ITFG1: variants seen among roughly 807,000 people sequenced by gnomAD.
ITFG1 encodes integrin alpha FG-GAP repeat containing 1.
A neutral mutation model predicts 81.8 loss-of-function variants in ITFG1; 34 were observed. The observed-to-expected ratio is 0.42, with a 90% CI of 0.32 to 0.55. The LOEUF (loss-of-function observed/expected upper bound fraction) is 0.55. ITFG1 is among the 20% of genes least tolerant of loss of function. The pLI is 0.17. For missense variants in ITFG1, 672 were observed against 755.4 expected (o/e 0.89, Z 1.29); for synonymous variants, 285 against 270.6 (o/e 1.05, Z -0.52).
chr16:47,306,866 G>A lies in ITFG1; in HGVS notation c.1070+4374C>T, dbSNP rs921823202. 1.7e-4 allele frequency among the ~76,000 whole-genome samples: 26 copies of A among 151,704 alleles called. 1 individual carries two copies. In the East Asian group the frequency reaches 4.3e-3, roughly 25 times the overall value. Reference sequence around the variant, plus strand: ...TCCCAGCACTTTGGGAGGCCTAGGCGGGTGGATCACAAGGTCAGGAGATCG... The same window carrying A: ...TCCCAGCACTTTGGGAGGCCTAGGCAGGTGGATCACAAGGTCAGGAGATCG... On this transcript the variant is annotated intron_variant, in intron 10 of 17. Transcript: ENST00000320640.
At chr16:47,312,496 C>G (rs1004871339) in intron 9 of ITFG1, 1 of 148,654 alleles carries the variant, frequency 6.7e-6, no homozygotes, top group Non-Finnish European at 1.5e-5. Context: ...GACATGTTTA[C>G]AGAAAATGAG....
chr16:47,276,184 A>G lies in ITFG1; in HGVS notation c.1071-15489T>C, dbSNP rs894025848. Among the ~76,000 whole-genome samples, 26 of 152,184 alleles carry G rather than the reference A, an allele frequency of 1.7e-4. 1 individual carries two copies. The highest frequency in any genetic ancestry group is 2.0e-4 in the Admixed American group (3 of 15,282). On this transcript the variant is annotated intron_variant, in intron 10 of 17. Transcript: ENST00000320640. ...AGAATATGCCAATTATTAGAATAAG[A>G]AAATAGTCAGATTGATGAATATAAG...
At chr16:47,331,606 T>G (rs1967638545) in intron 8 of ITFG1, among the ~76,000 whole-genome samples, 1 of 152,206 alleles carries the variant, frequency 6.6e-6, no homozygotes, top group African/African-American at 2.4e-5. Flanking sequence ...CATTGAAATA[T>G]CTATCTTTGT....
chr16:47,260,882 G>A (rs1050276060), intron 10 of ITFG1, among the ~76,000 whole-genome samples, 187 bp from the exon 11 acceptor site: 2 of 152,084 alleles, frequency 1.3e-5, no homozygotes, highest in Admixed American at 1.3e-4. Context: ...TCAACCTTTG[G>A]CAAAAATCCT....
At chr16:47,167,156 C>A (rs1351368347) in intron 14 of ITFG1, among the ~76,000 whole-genome samples, 1 of 152,166 alleles carries the variant, frequency 6.6e-6, no homozygotes, top group Admixed American at 6.5e-5. Flanking sequence ...ACTCTAGATA[C>A]CTCATATAGA....
chr16:47,236,343 C>T (rs1187809075), intron 13 of ITFG1, among the ~76,000 whole-genome samples: 1 of 152,002 alleles, frequency 6.6e-6, no homozygotes, highest in Non-Finnish European at 1.5e-5. Flanking sequence ...GGCATGGTGG[C>T]AGGCACCTGT....
At chr16:47,243,505 T>C (rs1371099020) in intron 12 of ITFG1, among the ~76,000 whole-genome samples, 1 of 152,218 alleles carries the variant, frequency 6.6e-6, no homozygotes, top group Non-Finnish European at 1.5e-5. Context: ...TTTGTTATTA[T>C]TGATTAACAT....
chr16:47,313,704 T>TG, intron 9 of ITFG1, 25 bp downstream of exon 9: 1 of 1,304,418 alleles, frequency 7.7e-7, no homozygotes, highest in South Asian at 1.3e-5. Flanking sequence ...AAAAAAATGT[T>TG]TACATTAAAA....
intron 14 of ITFG1, among the ~76,000 whole-genome samples, chr16:47,180,387 A>G (rs1228842368): frequency 7.1e-6 from 1 of 141,282 alleles, no homozygotes; most frequent in African/African-American, 2.7e-5. Context: ...CCCTCTCCCC[A>G]CGGTCTCCCT....
In ITFG1 at chr16:47,188,619, G is replaced by T. The variant is rs1460021692; in HGVS notation, c.1454-25955C>A. On this transcript the variant is annotated intron_variant, in intron 14 of 17. Transcript: ENST00000320640. ...CATACTCTGGGGACTGTTGTGGGGT[G>T]GGGGGAGGGGGGAGGGGGGAGGGAT... Among the ~76,000 whole-genome samples, 14 of 119,294 alleles carry T rather than the reference G, an allele frequency of 1.2e-4. No homozygotes were observed. In the Admixed American group the frequency reaches 1.2e-3, roughly 10 times the overall value. The allele number at this position is 119,294 out of a possible 152,430, so 78.3% of individuals were successfully genotyped here. A position where few individuals can be genotyped will look rare whatever the true frequency, so the allele number is the denominator to read the frequency against.
Position 47,312,017 on chromosome 16 carries a change from A to T in ITFG1, c.898-605T>A, listed in dbSNP as rs575825392. The T allele has an allele frequency of 4.5e-4, 68 of 152,336 alleles. 1 individual carries two copies. The highest frequency in any genetic ancestry group is 1.5e-3 in the African/African-American group (64 of 41,576). The allele number at this position is 152,336 out of a possible 1,614,324, so 9.4% of individuals were successfully genotyped here. Reference sequence around the variant, plus strand: ...TCAGCCAAGAAGACTGAGCTCTGTCACTAAAACGGCCGGAAGCTACATTTT... The same window carrying T: ...TCAGCCAAGAAGACTGAGCTCTGTCTCTAAAACGGCCGGAAGCTACATTTT... On this transcript the variant is annotated intron_variant, in intron 9 of 17. Transcript: ENST00000320640.
intron 10 of ITFG1, among the ~76,000 whole-genome samples, chr16:47,273,671 G>A (rs1966366880): frequency 6.6e-6 from 1 of 152,144 alleles, no homozygotes; most frequent in African/African-American, 2.4e-5. Flanking sequence ...CCAACTGAAA[G>A]GGAAACCTAA....
chr16:47,324,214 G>T (rs1191765183), intron 8 of ITFG1, among the ~76,000 whole-genome samples: 1 of 151,878 alleles, frequency 6.6e-6, no homozygotes, highest in Non-Finnish European at 1.5e-5. Flanking sequence ...TTTCAACCCA[G>T]AATTTCATAT....
At chr16:47,307,664 T>A (rs1018774094) in intron 10 of ITFG1, among the ~76,000 whole-genome samples, 1 of 152,204 alleles carries the variant, frequency 6.6e-6, no homozygotes, top group Non-Finnish European at 1.5e-5. Context: ...TATTTTAGAT[T>A]CACAGGGTAT....
rs560106904 is a variant in ITFG1 at position 47,199,469 on chromosome 16, T to C, written c.1453+19399A>G. On this transcript the variant is annotated intron_variant, in intron 14 of 17. Coordinates refer to ENST00000320640, the MANE Select transcript of ITFG1 (RefSeq NM_030790.5). ...TAACATTTAAAAATCTTTTATACTC[T>C]GTTTTCACTGTACCTTTTCTATGTT... 8.5e-5 allele frequency among the ~76,000 whole-genome samples: 13 copies of C among 152,360 alleles called. 1 individual carries two copies. In the South Asian group the frequency reaches 1.4e-3, roughly 17 times the overall value.
chr16:47,262,937 C>A, intron 10 of ITFG1: 1 of 171,082 alleles, frequency 5.8e-6, no homozygotes, highest in East Asian at 1.4e-4. Flanking sequence ...GACTATAGGG[C>A]TGCAGTGGGT....
chr16:47,260,622 T>C lies in ITFG1; in HGVS notation c.1144A>G (p.Lys382Glu), dbSNP rs1966198069. 3.1e-6 allele frequency: 5 copies of C among 1,614,070 alleles called. No individual in the cohort carries two copies. Among genetic ancestry groups the C allele is most frequent in the Non-Finnish European group, 4.2e-6 (5 of 1,180,020 alleles). ...AGGTCTGTCAGCTCCCAGTAGACTT[T>C]AAACATTCGACGCGCCTCTTCACAG... is the stretch of plus-strand genomic sequence containing the variant. The part of the protein sequence containing the change: ...ASCEEARRMF[K>E]VYWELTDLNQ... The change falls in exon 11 of 18, where the codon AAA becomes GAA. Residue 382 changes from lysine to glutamate, a missense_variant. By Grantham distance (56) the Lys-to-Glu change is moderately conservative. Around this residue, in one of 3 missense-constraint regions of ITFG1, gnomAD observed 560 missense variants for 625.7 expected, o/e 0.90. Coordinates refer to ENST00000320640, the MANE Select transcript of ITFG1 (RefSeq NM_030790.5).
At chr16:47,218,967 A>T (rs781137629) in intron 13 of ITFG1, 21 bp from the exon 14 acceptor site, 1 of 1,495,256 alleles carries the variant, frequency 6.7e-7, no homozygotes, top group South Asian at 1.2e-5. Context: ...AAAAAAAAAT[A>T]GTTAAGGCTT....
intron 10 of ITFG1, among the ~76,000 whole-genome samples, chr16:47,310,249 A>G (rs1044589916): frequency 2.0e-5 from 3 of 152,214 alleles, no homozygotes; most frequent in African/African-American, 7.2e-5. Context: ...ATCAGATTTC[A>G]GGACAACACT....
Sources: allele counts gnomAD v4.1 joint callset (sites outside exome capture counted in the v4.1 genomes callset), GRCh38; gene constraint gnomAD v4.1.1; regional missense constraint gnomAD v4.1.1; transcripts MANE v1.5; gene names NCBI Gene and HGNC (gene_info 2026-07-23, HGNC 2026-07-21).